Variants in TNIP3 observed in about 807,000 individuals in gnomAD.
TNIP3 encodes the protein TNFAIP3 interacting protein 3.
Under a neutral mutation model 54.1 loss-of-function variants are expected in TNIP3, and 34 were observed. The observed-to-expected ratio is 0.63, with a 90% confidence interval of 0.48 to 0.84. The LOEUF (loss-of-function observed/expected upper bound fraction) is 0.84, where lower values mean the gene tolerates loss of function less well. Among genes scored for constraint, TNIP3 ranks in the 40% least tolerant of loss-of-function variants. The probability of loss-of-function intolerance (pLI) is 0.00; values close to 1 mark genes in which losing one functional copy is unlikely to be tolerated. For synonymous variants in TNIP3, 134 were observed against 136.8 expected (o/e 0.98, Z 0.14); for missense variants, 366 against 387.6 (o/e 0.94, Z 0.47).
chr4:121,215,178 G>A (rs567005413), intron 2 of TNIP3, among the ~76,000 whole-genome samples: 16 of 151,972 alleles, frequency 1.1e-4, no homozygotes, highest in African/African-American at 3.6e-4. Context: ...ATTCTTAATG[G>A]TACCCCTTGT....
upstream of TNIP3, among the ~76,000 whole-genome samples, chr4:121,166,609 G>A (rs906942709): frequency 1.3e-5 from 2 of 152,268 alleles, no homozygotes; most frequent in East Asian, 3.9e-4. Flanking sequence ...AATTAACAAA[G>A]GGAAATGTGG....
At chr4:121,172,835 T>C (rs1724048342) in intron 3 of TNIP3, among the ~76,000 whole-genome samples, 1 of 152,218 alleles carries the variant, frequency 6.6e-6, no homozygotes, top group Non-Finnish European at 1.5e-5. Flanking sequence ...GTCAATTAGA[T>C]AAATTATTTT....
chr4:121,199,411 T>C (rs1173837518), intron 2 of TNIP3, among the ~76,000 whole-genome samples: 2 of 152,178 alleles, frequency 1.3e-5, no homozygotes, highest in Non-Finnish European at 2.9e-5. Flanking sequence ...AATATTACTA[T>C]GTTTCTAGCC....
At chr4:121,199,227 G>A (rs901102142) in intron 2 of TNIP3, among the ~76,000 whole-genome samples, 2 of 152,172 alleles carry the variant, frequency 1.3e-5, no homozygotes, top group Non-Finnish European at 2.9e-5. Context: ...TGGAAATGGT[G>A]GCGATACAAC....
rs191636074 is a variant in TNIP3 at position 121,132,559 on chromosome 4, G to C, written c.*72C>G. ...GCCTTTGTGGCAGAAACAAGCCTCA[G>C]TATAAACAAAGAAGAGGGTCCTCAG... On this transcript the variant is annotated 3_prime_UTR_variant, in exon 11 of 11. Coordinates refer to ENST00000057513, the MANE Select transcript of TNIP3 (RefSeq NM_024873.6). 335 of 1,411,444 alleles carry C rather than the reference G, an allele frequency of 2.4e-4. 1 individual carries two copies. Among genetic ancestry groups the C allele is most frequent in the Middle Eastern group, 5.3e-4 (3 of 5,616 alleles). The allele number at this position is 1,411,444 out of a possible 1,614,324, so 87.4% of individuals were successfully genotyped here.
intron 2 of TNIP3, among the ~76,000 whole-genome samples, chr4:121,192,565 C>T (rs902589805): frequency 1.3e-5 from 2 of 152,052 alleles, no homozygotes; most frequent in African/African-American, 4.8e-5. Flanking sequence ...AGCTTTAAAA[C>T]AGTTCATCTG....
At position 121,138,207 on chromosome 4, in the gene TNIP3, G is replaced by A. The variant is rs553797361; in HGVS notation, c.946+417C>T. ...TTTAGTCATAAGGGAACACAGTTCCGAGCCTTTGGTTTCCTCTGTCTGTCT... is the reference window on the plus strand; with the variant it reads ...TTTAGTCATAAGGGAACACAGTTCCAAGCCTTTGGTTTCCTCTGTCTGTCT... On this transcript the variant is annotated intron_variant, in intron 10 of 10. Transcript: ENST00000057513. Among the ~76,000 whole-genome samples the A allele has an allele frequency of 2.6e-5, 4 of 152,286 alleles. No homozygotes were observed. The East Asian group carries it at 5.8e-4, about 22-fold the overall frequency.
intron 7 of TNIP3, among the ~76,000 whole-genome samples, chr4:121,146,396 T>C (rs1211571263): frequency 1.3e-5 from 2 of 152,328 alleles, no homozygotes; most frequent in East Asian, 3.9e-4. Flanking sequence ...AATGGTGCAG[T>C]TTGTTTTATT....
intron 1 of TNIP3, among the ~76,000 whole-genome samples, chr4:121,224,116 A>C (rs1727157038): frequency 6.6e-6 from 1 of 152,202 alleles, no homozygotes; most frequent in South Asian, 2.1e-4. Context: ...AGATGCCAGC[A>C]CTTTGGGAGG....
In TNIP3 at chr4:121,173,264, G is replaced by C. The variant is rs151133080; in HGVS notation, c.190-9118C>G. Among the ~76,000 whole-genome samples the C allele has an allele frequency of 4.4e-3, 664 of 152,328 alleles. 4 individuals carry two copies. Among genetic ancestry groups the C allele is most frequent in the African/African-American group, 0.015 (636 of 41,564 alleles). ...CAGGGAAGTTTTATGGGAATTAAGC[G>C]TTTTTGAGGGATAGATATGAGGTGG... On this transcript the variant is annotated intron_variant, in intron 3 of 12. Coordinates refer to the TNIP3 transcript ENST00000507879.
Position 121,142,723 on chromosome 4 carries a change from T to A in TNIP3, c.786+3A>T, listed in dbSNP as rs776920655. ...TGTATGCGTGAAAATTAGATCAACATACCTGTTTTAATTGCTTTTCTAGTT... is the reference window on the plus strand; with the variant it reads ...TGTATGCGTGAAAATTAGATCAACAAACCTGTTTTAATTGCTTTTCTAGTT... On this transcript the variant is annotated splice_donor_region_variant and intron_variant, in intron 8 of 10. Coordinates refer to ENST00000057513, the MANE Select transcript of TNIP3 (RefSeq NM_024873.6). 1.2e-5 allele frequency: 19 copies of A among 1,609,726 alleles called. No individual in the cohort carries two copies. In the East Asian group the frequency reaches 4.2e-4, roughly 36 times the overall value.
At chr4:121,208,799 CT>C (rs1726321483) in intron 2 of TNIP3, among the ~76,000 whole-genome samples, 1 of 152,152 alleles carries the variant, frequency 6.6e-6, no homozygotes. Flanking sequence ...ATGACTGTCT[CT>C]TGTTATTTTA....
intron 2 of TNIP3, among the ~76,000 whole-genome samples, chr4:121,191,964 G>T (rs1725329469): frequency 6.6e-6 from 1 of 152,122 alleles, no homozygotes. Flanking sequence ...GGCATATTAA[G>T]TTATTTAGAT....
intron 1 of TNIP3, among the ~76,000 whole-genome samples, chr4:121,163,682 A>G (rs1168752793): frequency 6.6e-6 from 1 of 152,340 alleles, no homozygotes; most frequent in East Asian, 1.9e-4. Flanking sequence ...TCTGTTGCTG[A>G]ACAAAATCTA....
At chr4:121,145,042 A>G (rs144474593) in intron 7 of TNIP3, among the ~76,000 whole-genome samples, 200 of 152,310 alleles carry the variant, frequency 1.3e-3, no homozygotes, top group African/African-American at 4.6e-3. Context: ...ATTTTCACTG[A>G]CTTAACGCAT....
Position 121,164,058 on chromosome 4 carries a change from A to G in TNIP3, c.66+2T>C, listed in dbSNP as rs1730618276. 1 of 1,613,492 alleles carries G rather than the reference A, an allele frequency of 6.2e-7. No homozygotes were observed. The highest frequency in any genetic ancestry group is 8.5e-7 in the Non-Finnish European group (1 of 1,179,668). ...ACTCATCTCCTAGAAATATGTTCTT[A>G]CCTCTTTATGCTCCGTAGAACTTTC... On this transcript the variant is annotated splice_donor_variant, in intron 1 of 10. Transcript: ENST00000057513. LOFTEE classifies it high-confidence loss of function.
At chr4:121,221,920 A>G (rs1269320596) in intron 1 of TNIP3, among the ~76,000 whole-genome samples, 1 of 152,160 alleles carries the variant, frequency 6.6e-6, no homozygotes, top group Non-Finnish European at 1.5e-5. Context: ...TTTCTTCTTC[A>G]TGCAAAACTG....
chr4:121,138,579 T>C (rs758893415), intron 10 of TNIP3, 45 bp downstream of exon 10: 1 of 1,551,958 alleles, frequency 6.4e-7, no homozygotes, highest in Admixed American at 1.7e-5. Flanking sequence ...AAGATCCCAT[T>C]AAGATGTAAA....
At chr4:121,208,108 C>A (rs1414174332) in intron 2 of TNIP3, among the ~76,000 whole-genome samples, 1 of 152,168 alleles carries the variant, frequency 6.6e-6, no homozygotes, top group Non-Finnish European at 1.5e-5. Flanking sequence ...TCTTTTTCTT[C>A]CCAATCTCAG....
Sources: allele counts gnomAD v4.1 joint callset (sites outside exome capture counted in the v4.1 genomes callset), GRCh38; gene constraint gnomAD v4.1.1; transcripts MANE v1.5; gene names NCBI Gene and HGNC (gene_info 2026-07-23, HGNC 2026-07-21).